APIP: variants seen among roughly 807,000 people sequenced by gnomAD.
The protein encoded by APIP is methylthioribulose-1-phosphate dehydratase.
Under a neutral mutation model 32.0 loss-of-function variants are expected in APIP, and 32 were observed. That is an observed-to-expected ratio of 1.00 (90% CI 0.76 to 1.34). The LOEUF (loss-of-function observed/expected upper bound fraction) is 1.34, where lower values mean the gene tolerates loss of function less well. Ranked by LOEUF, APIP falls within the 40% of genes most tolerant of loss-of-function variation. The probability of loss-of-function intolerance (pLI) is 0.00; values close to 1 mark genes in which losing one functional copy is unlikely to be tolerated. For synonymous variants in APIP, 92 were observed against 94.8 expected, an observed-to-expected ratio of 0.97 and a Z score of 0.17; for missense variants, 247 against 298.6, an observed-to-expected ratio of 0.83 and a Z score of 1.27.
intron 3 of APIP, 61 bp downstream of exon 3, chr11:34,890,443 A>G (rs1853167238): frequency 6.8e-7 from 1 of 1,468,864 alleles, no homozygotes; most frequent in East Asian, 2.3e-5. Context: ...AATTAATTCC[A>G]TTTCATAAAA....
At chr11:34,887,489 T>A (rs548892666) in intron 5 of APIP, among the ~76,000 whole-genome samples, 12 of 152,328 alleles carry the variant, frequency 7.9e-5, no homozygotes, top group African/African-American at 2.9e-4. Flanking sequence ...TGAAATCAAA[T>A]CAATTTCTCA....
In APIP at chr11:34,889,648, C is replaced by T. The variant is rs1148932; in HGVS notation, c.208-779G>A. 5.5e-3 allele frequency among the ~76,000 whole-genome samples: 830 copies of T among 152,218 alleles called. 3 individuals are homozygous for T. Among genetic ancestry groups the T allele is most frequent in the Non-Finnish European group, 9.7e-3 (659 of 67,986 alleles). Reference sequence around the variant, plus strand: ...TCACTTTCCTCCCACCCTCCACCCTCCAGTAGGTCCCAGTGTGTATTGCTC... The same window carrying T: ...TCACTTTCCTCCCACCCTCCACCCTTCAGTAGGTCCCAGTGTGTATTGCTC... On this transcript the variant is annotated intron_variant, in intron 3 of 6. Coordinates refer to ENST00000395787, the MANE Select transcript of APIP (RefSeq NM_015957.4).
intron 2 of APIP, among the ~76,000 whole-genome samples, chr11:34,892,228 G>A (rs1003786280): frequency 1.1e-4 from 16 of 152,226 alleles, no homozygotes; most frequent in Non-Finnish European, 1.8e-4. Flanking sequence ...GAGCTTTTTA[G>A]AATAGAAACA....
At chr11:34,908,365 G>C (rs2915208) in intron 1 of APIP, among the ~76,000 whole-genome samples, 120,230 of 152,216 alleles carry the variant, frequency 0.79, 47,653 homozygotes, top group East Asian at 0.83. Flanking sequence ...CTGACACTGG[G>C]CTCAGGAAGG....
In APIP at chr11:34,892,795, T is replaced by C. The variant is rs375046262; in HGVS notation, c.158+2215A>G. ...TATTGTCTGTATTATTCTGGAAACA[T>C]AATTTATTGCGTTTGCATTTTATTC... On this transcript the variant is annotated intron_variant, in intron 2 of 6. Transcript: ENST00000395787. Among the ~76,000 whole-genome samples the C allele has an allele frequency of 4.5e-4, 68 of 152,330 alleles. 1 individual carries two copies. Among genetic ancestry groups the C allele is most frequent in the African/African-American group, 1.5e-3 (64 of 41,596 alleles).
chr11:34,910,420 AAAG>A (rs1201835510), intron 1 of APIP, among the ~76,000 whole-genome samples: 1 of 152,234 alleles, frequency 6.6e-6, no homozygotes, highest in Non-Finnish European at 1.5e-5. Flanking sequence ...AGACAGGGAA[AAAG>A]AAGGGAAAAA....
rs543412335 is a variant in APIP, at chr11:34,900,324, C to T, written c.58-5214G>A. Reference sequence around the variant, plus strand: ...ATTGAATGTCCCAATGCTTCCAGTCCCCCTCCAATTGTACCATCAGCTCCT... The same window carrying T: ...ATTGAATGTCCCAATGCTTCCAGTCTCCCTCCAATTGTACCATCAGCTCCT... On this transcript the variant is annotated intron_variant, in intron 1 of 6. Transcript: ENST00000395787. 1.1e-4 allele frequency among the ~76,000 whole-genome samples: 17 copies of T among 151,288 alleles called. No individual in the cohort carries two copies. In the East Asian group the frequency reaches 3.3e-3, roughly 29 times the overall value.
intron 1 of APIP, among the ~76,000 whole-genome samples, chr11:34,914,502 G>A (rs1191897941): frequency 6.6e-6 from 1 of 152,014 alleles, no homozygotes; most frequent in Non-Finnish European, 1.5e-5. Flanking sequence ...TACAAAACCA[G>A]ACAAATACAA....
intron 1 of APIP, among the ~76,000 whole-genome samples, chr11:34,903,395 T>G (rs1189735315): frequency 6.6e-6 from 1 of 152,222 alleles, no homozygotes; most frequent in Admixed American, 6.5e-5. Context: ...GCTGAGCTAA[T>G]AGCTCTTACA....
intron 1 of APIP, among the ~76,000 whole-genome samples, chr11:34,902,685 TC>T (rs1853387082): frequency 6.6e-6 from 1 of 152,172 alleles, no homozygotes; most frequent in Non-Finnish European, 1.5e-5. Context: ...CTAAAACTCA[TC>T]TTTTAACCTG....
At chr11:34,895,167 C>T in intron 1 of APIP, 57 bp from the exon 2 acceptor site, 2 of 1,425,640 alleles carry the variant, frequency 1.4e-6, no homozygotes, top group South Asian at 2.3e-5. Flanking sequence ...GTAACTATTC[C>T]AGCTGGTGTT....
At chr11:34,891,621 G>A (rs970958038) in intron 2 of APIP, among the ~76,000 whole-genome samples, 34 of 152,084 alleles carry the variant, frequency 2.2e-4, no homozygotes, top group African/African-American at 8.0e-4. Flanking sequence ...AAAAATCTAA[G>A]GTGAAATCAA....
intron 1 of APIP, among the ~76,000 whole-genome samples, chr11:34,901,146 G>T (rs947519988): frequency 1.3e-5 from 2 of 152,080 alleles, no homozygotes; most frequent in East Asian, 3.8e-4. Flanking sequence ...GAAAATACAG[G>T]AAAACAACAG....
intron 2 of APIP, among the ~76,000 whole-genome samples, chr11:34,894,209 A>G (rs2986425): frequency 0.37 from 56,613 of 151,878 alleles, 10,940 homozygotes; most frequent in East Asian, 0.74. Context: ...TTTCTGCTTC[A>G]ATTTAAGTCC....
intron 5 of APIP, among the ~76,000 whole-genome samples, chr11:34,887,197 A>G (rs17431788): frequency 0.38 from 53,636 of 140,510 alleles, 10,071 homozygotes; most frequent in East Asian, 0.74. Context: ...ACAAAATTGC[A>G]AAGACTCTCT....
intron 3 of APIP, among the ~76,000 whole-genome samples, chr11:34,889,192 G>A (rs1178999322): frequency 1.3e-5 from 2 of 151,844 alleles, no homozygotes; most frequent in African/African-American, 4.8e-5. Flanking sequence ...AAAATGATAT[G>A]GAAAATTACT....
chr11:34,897,002 G>T, intron 1 of APIP: 1 of 355,214 alleles, frequency 2.8e-6, no homozygotes, highest in Non-Finnish European at 5.5e-6. Context: ...TCACAACAAG[G>T]AAGCATGCCT....
chr11:34,888,238 CA>C, intron 5 of APIP, 54 bp downstream of exon 5: 1 of 1,441,674 alleles, frequency 6.9e-7, no homozygotes. Context: ...TTCTATTTAT[CA>C]AAGAGAAGGA....
At chr11:34,892,118 T>G (rs1050743486) in intron 2 of APIP, among the ~76,000 whole-genome samples, 1 of 152,202 alleles carries the variant, frequency 6.6e-6, no homozygotes, top group Non-Finnish European at 1.5e-5. Context: ...ATTTAGACTT[T>G]GATGAACTTT....
Sources: gnomAD v4.1 joint callset for allele counts (sites outside exome capture counted in the v4.1 genomes callset) on GRCh38, gnomAD v4.1.1 for gene constraint, MANE v1.5 for transcripts, NCBI Gene and HGNC (gene_info 2026-07-23, HGNC 2026-07-21) for gene names.